Variants in RIMKLA observed in about 807,000 individuals in gnomAD.
RIMKLA encodes ribosomal modification protein rimK like family member A, also known as N-acetylaspartylglutamate synthase A.
In RIMKLA, 14 loss-of-function variants were observed where a neutral mutation model predicts 32.7. The observed-to-expected ratio is 0.43, with a 90% confidence interval of 0.28 to 0.67. The LOEUF (loss-of-function observed/expected upper bound fraction) is 0.67, where lower values mean the gene tolerates loss of function less well. Among genes scored for constraint, RIMKLA ranks in the 30% least tolerant of loss-of-function variants. RIMKLA has a pLI of 0.18. For missense variants in RIMKLA, 410 were observed against 519.0 expected (o/e 0.79, Z 2.04); for synonymous variants, 176 against 204.1 (o/e 0.86, Z 1.18).
chr1:42,400,176 C>T (rs1643084476), intron 2 of RIMKLA, among the ~76,000 whole-genome samples: 2 of 152,166 alleles, frequency 1.3e-5, no homozygotes, highest in South Asian at 2.1e-4. Flanking sequence ...GACACCCTGA[C>T]CTGTTGGTGG....
intron 1 of RIMKLA, among the ~76,000 whole-genome samples, chr1:42,391,295 C>T (rs1228937888): frequency 6.6e-6 from 1 of 152,124 alleles, no homozygotes; most frequent in Non-Finnish European, 1.5e-5. Flanking sequence ...GCTAAAGCTT[C>T]AAGAACAGAG....
At chr1:42,406,356 C>T (rs979132646) in intron 3 of RIMKLA, among the ~76,000 whole-genome samples, 1 of 152,174 alleles carries the variant, frequency 6.6e-6, no homozygotes, top group East Asian at 1.9e-4. Context: ...AGCCTCATAC[C>T]TAGTAGTAGT....
intron 1 of RIMKLA, among the ~76,000 whole-genome samples, chr1:42,385,827 C>CTTTCTTTCTCTCTCTCTCTCTCT (rs1557749845): frequency 1.1e-5 from 1 of 89,388 alleles, no homozygotes; most frequent in African/African-American, 4.1e-5. Flanking sequence ...TTCCTTCCTT[C>CTTTCTTTCTCTCTCTCTCTCTCT]CTTTCTTTCT....
chr1:42,412,391 T>C (rs1423382926), intron 4 of RIMKLA: 9 of 261,882 alleles, frequency 3.4e-5, no homozygotes, highest in Non-Finnish European at 5.3e-5. Flanking sequence ...TAATATCTAT[T>C]ACATCCCTAG....
chr1:42,413,871 T>G (rs1643223045), intron 4 of RIMKLA, among the ~76,000 whole-genome samples: 1 of 148,912 alleles, frequency 6.7e-6, no homozygotes, highest in Admixed American at 6.6e-5. Context: ...TAGCTGGAAC[T>G]GCAGCTGGGG....
intron 1 of RIMKLA, among the ~76,000 whole-genome samples, chr1:42,383,181 C>T (rs143116045): frequency 2.2e-4 from 34 of 152,170 alleles, no homozygotes; most frequent in African/African-American, 7.9e-4. Context: ...CCACCGCGTC[C>T]GGCCTGTTCT....
chr1:42,393,107 G>A (rs1185362676), intron 1 of RIMKLA, among the ~76,000 whole-genome samples: 1 of 152,182 alleles, frequency 6.6e-6, no homozygotes. Flanking sequence ...TTGCTGAGAG[G>A]TGGTAACTCC....
In RIMKLA at chr1:42,415,253, A is replaced by C. The variant is rs1197806997; in HGVS notation, c.*279A>C. On this transcript the variant is annotated 3_prime_UTR_variant, in exon 5 of 5. Transcript: ENST00000431473. Reference sequence around the variant, plus strand: ...TATTACGGCTGACGCTAAGGCACTGACTCTGCTGTTGCTTCTGACTTTTAG... The same window carrying C: ...TATTACGGCTGACGCTAAGGCACTGCCTCTGCTGTTGCTTCTGACTTTTAG... 3.0e-6 allele frequency: 1 copy of C among 335,412 alleles called. No homozygotes were observed. The highest frequency in any genetic ancestry group is 5.5e-5 in the East Asian group (1 of 18,330). The allele number at this position is 335,412 out of a possible 1,614,324, so 20.8% of individuals were successfully genotyped here.
Position 42,380,812 on chromosome 1 carries a change from C to T in RIMKLA, c.-123C>T. The T allele has an allele frequency of 2.3e-6, 1 of 434,894 alleles. No homozygotes were observed. The highest frequency in any genetic ancestry group is 3.2e-6 in the Non-Finnish European group (1 of 313,986). The allele number at this position is 434,894 out of a possible 1,614,324, so 26.9% of individuals were successfully genotyped here. On this transcript the variant is annotated 5_prime_UTR_variant, in exon 1 of 5. Coordinates refer to ENST00000431473, the MANE Select transcript of RIMKLA (RefSeq NM_173642.4). Reference sequence around the variant, plus strand: ...GGGCTGCAGAGACGCCTGGCGCACCCGCGGGAGCGGAGCCGTGGCGCGCTC... The same window carrying T: ...GGGCTGCAGAGACGCCTGGCGCACCTGCGGGAGCGGAGCCGTGGCGCGCTC...
chr1:42,382,111 T>C (rs1244510813), intron 1 of RIMKLA, among the ~76,000 whole-genome samples: 2 of 152,242 alleles, frequency 1.3e-5, no homozygotes, highest in Non-Finnish European at 2.9e-5. Context: ...AGTGAGATTT[T>C]GAATATGACC....
chr1:42,399,996 C>T (rs1389835791), intron 2 of RIMKLA, among the ~76,000 whole-genome samples: 3 of 152,138 alleles, frequency 2.0e-5, no homozygotes, highest in Admixed American at 6.6e-5. Context: ...AAGTGCAGAG[C>T]GGTGCAGGAG....
chr1:42,386,226 ACTC>A (rs1412355169), intron 1 of RIMKLA, among the ~76,000 whole-genome samples: 42 of 151,458 alleles, frequency 2.8e-4, no homozygotes, highest in Non-Finnish European at 5.5e-4. Flanking sequence ...CCTGGCCCCT[ACTC>A]CTAGATTTCT....
chr1:42,416,517 A>G lies in RIMKLA; in HGVS notation c.*1543A>G, dbSNP rs1225252340. ...TGTTAAAAAAAAAAAATCATTCCTC[A>G]AAAAATAGATCTACCCTTAAAGGAC... On this transcript the variant is annotated 3_prime_UTR_variant, in exon 5 of 5. Transcript: ENST00000431473. 6.6e-6 allele frequency: 1 copy of G among 152,020 alleles called. No homozygotes were observed. Among genetic ancestry groups the G allele is most frequent in the East Asian group, 1.9e-4 (1 of 5,196 alleles). The allele number at this position is 152,020 out of a possible 1,614,324, so 9.4% of individuals were successfully genotyped here.
At chr1:42,388,135 G>GAT (rs1162226465) in intron 1 of RIMKLA, among the ~76,000 whole-genome samples, 4 of 152,196 alleles carry the variant, frequency 2.6e-5, no homozygotes, top group Non-Finnish European at 4.4e-5. Context: ...GGAAGAAGCA[G>GAT]ATACATAGGG....
intron 1 of RIMKLA, among the ~76,000 whole-genome samples, chr1:42,387,609 G>A (rs149775767): frequency 5.5e-4 from 84 of 152,184 alleles, no homozygotes; most frequent in African/African-American, 2.0e-3. Flanking sequence ...TCTGTGCCAG[G>A]CATTGTACTA....
chr1:42,393,026 T>C (rs1257610763), intron 1 of RIMKLA, among the ~76,000 whole-genome samples: 1 of 152,122 alleles, frequency 6.6e-6, no homozygotes, highest in Non-Finnish European at 1.5e-5. Flanking sequence ...CTCCCTGGCC[T>C]CTCAGGTGGA....
intron 1 of RIMKLA, among the ~76,000 whole-genome samples, chr1:42,386,202 C>T (rs1299853944): frequency 2.0e-5 from 3 of 151,890 alleles, no homozygotes; most frequent in African/African-American, 4.8e-5. Flanking sequence ...GTATTACGGG[C>T]GTGAGCCACC....
chr1:42,389,863 A>AT (rs1642985614), intron 1 of RIMKLA, among the ~76,000 whole-genome samples: 1 of 152,028 alleles, frequency 6.6e-6, no homozygotes, highest in Non-Finnish European at 1.5e-5. Context: ...ATTATAATTG[A>AT]TTTAGCAATG....
rs1007758154 is a variant in RIMKLA, at chr1:42,422,876, G to A, written c.*7902G>A. Among the ~76,000 whole-genome samples, 2 of 152,196 alleles carry A rather than the reference G, an allele frequency of 1.3e-5. No individual in the cohort carries two copies. Among genetic ancestry groups the A allele is most frequent in the African/African-American group, 4.8e-5 (2 of 41,442 alleles). ...TGAGCTTGTCACGGGCCTGCTCAGC[G>A]TGCTCTCCCGGGCTGACATTCGAAT... is the stretch of plus-strand genomic sequence containing the variant. On this transcript the variant is annotated 3_prime_UTR_variant, in exon 5 of 5. Coordinates refer to ENST00000431473, the MANE Select transcript of RIMKLA (RefSeq NM_173642.4).
Sources: allele counts gnomAD v4.1 joint callset (sites outside exome capture counted in the v4.1 genomes callset), GRCh38; gene constraint gnomAD v4.1.1; transcripts MANE v1.5; gene names NCBI Gene and HGNC (gene_info 2026-07-23, HGNC 2026-07-21).